Variants in AXL observed in about 807,000 individuals in gnomAD.
AXL encodes the protein AXL receptor tyrosine kinase, also known as tyrosine-protein kinase receptor UFO.
AXL carries 52 observed loss-of-function variants against 104.5 expected under a neutral mutation model. The ratio of observed to expected loss-of-function variants is 0.50; its 90% CI spans 0.40 to 0.63. The LOEUF (loss-of-function observed/expected upper bound fraction) is 0.63, where lower values mean the gene tolerates loss of function less well. Among genes scored for constraint, AXL ranks in the 20% least tolerant of loss-of-function variants. The pLI is 0.00. For missense variants in AXL, 1,024 were observed against 1,188.5 expected, an observed-to-expected ratio of 0.86 and a Z score of 2.04; for synonymous variants, 455 against 473.7, an observed-to-expected ratio of 0.96 and a Z score of 0.51.
At chr19:41,236,403 G>A (rs7256873) in intron 6 of AXL, among the ~76,000 whole-genome samples, 24,589 of 151,102 alleles carry the variant, frequency 0.16, 2,165 homozygotes, top group East Asian at 0.27. Context: ...TTGGGAGGCC[G>A]AGGCATGAGA....
intron 12 of AXL, among the ~76,000 whole-genome samples, chr19:41,245,611 G>A (rs775507930): frequency 6.6e-6 from 1 of 152,138 alleles, no homozygotes; most frequent in South Asian, 2.1e-4. Context: ...CTACTTGGGA[G>A]GCTGAGGCAG....
At chr19:41,254,097 A>G (rs1019156403) in intron 17 of AXL, among the ~76,000 whole-genome samples, 1 of 151,686 alleles carries the variant, frequency 6.6e-6, no homozygotes, top group Admixed American at 6.6e-5. Context: ...ACTCCCCACC[A>G]ATGGACAAGC....
rs762408142 is a variant in AXL at position 41,221,929 on chromosome 19, C to T, written c.459C>T (p.Asn153=). The T allele has an allele frequency of 6.2e-6, 10 of 1,613,736 alleles. No homozygotes were observed. The South Asian group carries it at 1.1e-4, about 18-fold the overall frequency. ...CCGAAGACAGGACTGTGGCCGCCAACACCCCCTTCAACCTGAGCTGCCAAG... is the reference window on the plus strand; with the variant it reads ...CCGAAGACAGGACTGTGGCCGCCAATACCCCCTTCAACCTGAGCTGCCAAG... ...EEPEDRTVAA[N]TPFNLSCQAQ... is the part of the protein sequence containing the mutation. Residue 153 remains asparagine, a synonymous_variant, in exon 4 of 20, where the codon AAC becomes AAT. Transcript: ENST00000301178.
chr19:41,227,987 A>G (rs776070129), intron 4 of AXL, among the ~76,000 whole-genome samples: 1 of 152,184 alleles, frequency 6.6e-6, no homozygotes, highest in Non-Finnish European at 1.5e-5. Context: ...TCAGAACGGC[A>G]TGCAATTTAA....
chr19:41,241,543 C>CAAA (rs11457010), intron 10 of AXL, among the ~76,000 whole-genome samples: 3 of 67,052 alleles, frequency 4.5e-5, no homozygotes, highest in Non-Finnish European at 6.3e-5. Context: ...GACTCTGTCT[C>CAAA]AAAAAAAAAA....
In AXL at chr19:41,259,859, T is replaced by C. The variant is rs761140155; in HGVS notation, c.2640T>C (p.Ala880=). ...PSTTPSPAQP[A]DRGSPAAPGQ... is the part of the protein sequence containing the mutation. ...CAACCCCTAGCCCCGCTCAGCCTGC[T>C]GATAGGGGCTCCCCAGCAGCCCCAG... The change falls in exon 20 of 20, where the codon GCT becomes GCC. Residue 880 remains alanine (A), a synonymous_variant. Coordinates refer to ENST00000301178, the MANE Select transcript of AXL (RefSeq NM_021913.5). 1.9e-6 allele frequency: 3 copies of C among 1,605,852 alleles called. No individual in the cohort carries two copies. The South Asian group carries it at 3.3e-5, about 18-fold the overall frequency.
In AXL at chr19:41,221,983, A is replaced by T. The variant is rs2122199384; in HGVS notation, c.513A>T (p.Leu171=). The T allele has an allele frequency of 1.2e-6, 2 of 1,610,736 alleles. No individual in the cohort carries two copies. Among genetic ancestry groups the T allele is most frequent in the Non-Finnish European group, 1.7e-6 (2 of 1,178,752 alleles). ...AGGGACCCCCAGAGCCCGTGGACCT[A>T]CTCTGGCTCCAGGATGCTGTCCCCC... The part of the protein sequence containing the change: ...QAQGPPEPVD[L]LWLQDAVPLA... The change falls in exon 4 of 20, where the codon CTA becomes CTT. Residue 171 remains leucine (L), a synonymous_variant. Coordinates refer to ENST00000301178, the MANE Select transcript of AXL (RefSeq NM_021913.5).
intron 4 of AXL, among the ~76,000 whole-genome samples, chr19:41,223,078 T>C (rs1035904925): frequency 6.6e-6 from 1 of 151,876 alleles, no homozygotes; most frequent in Non-Finnish European, 1.5e-5. Flanking sequence ...GTGGATCACT[T>C]GAGGCTGGGA....
chr19:41,247,044 A>G (rs2034283601), intron 12 of AXL, among the ~76,000 whole-genome samples: 1 of 152,224 alleles, frequency 6.6e-6, no homozygotes, highest in Non-Finnish European at 1.5e-5. Flanking sequence ...CATAGACATC[A>G]TGTTGAGTGA....
chr19:41,243,140 C>T lies in AXL; in HGVS notation c.1445+125C>T, dbSNP rs58943696. 8,793 of 1,402,578 alleles carry T rather than the reference C, an allele frequency of 6.3e-3. 466 individuals are homozygous for T. The African/African-American group carries it at 0.11, about 17-fold the overall frequency. The allele number at this position is 1,402,578 out of a possible 1,614,324, so 86.9% of individuals were successfully genotyped here. On this transcript the variant is annotated intron_variant, in intron 11 of 19. Coordinates refer to ENST00000301178, the MANE Select transcript of AXL (RefSeq NM_021913.5). Reference sequence around the variant, plus strand: ...GAATCAGAATGAGGGCAAGGGAAGCCAGGCGTGGTGGCTCACGCCTGTAAT... The same window carrying T: ...GAATCAGAATGAGGGCAAGGGAAGCTAGGCGTGGTGGCTCACGCCTGTAAT...
Position 41,243,096 on chromosome 19 carries a change from C to T in AXL, c.1445+81C>T, listed in dbSNP as rs1206244669. The T allele has an allele frequency of 2.5e-6, 4 of 1,585,572 alleles. No homozygotes were observed. In the African/African-American group the frequency reaches 4.0e-5, roughly 16 times the overall value. On this transcript the variant is annotated intron_variant, in intron 11 of 19. Transcript: ENST00000301178. Reference sequence around the variant, plus strand: ...AGGGAGGCCAGTGAGGAGGCTGGTGCAGGAGGAGTGATGACTAAGAATCAG... The same window carrying T: ...AGGGAGGCCAGTGAGGAGGCTGGTGTAGGAGGAGTGATGACTAAGAATCAG...
intron 6 of AXL, among the ~76,000 whole-genome samples, chr19:41,236,452 A>G (rs1163847072): frequency 6.6e-6 from 1 of 151,822 alleles, no homozygotes; most frequent in Non-Finnish European, 1.5e-5. Flanking sequence ...CAGTGAGCCG[A>G]AATCACGCCA....
At position 41,248,204 on chromosome 19, in the gene AXL, G is replaced by A. The variant is rs140818658; in HGVS notation, c.1538-310G>A. 1.3e-3 allele frequency among the ~76,000 whole-genome samples: 199 copies of A among 152,354 alleles called. 2 individuals are homozygous for A. The East Asian group carries it at 0.028, about 21-fold the overall frequency. On this transcript the variant is annotated intron_variant, in intron 12 of 19. Transcript: ENST00000301178. ...CTCCCAGAGTGCTGGGATTACAGGC[G>A]TAAGCCACTGTGCCCAGCAAAAGAA... is the stretch of plus-strand genomic sequence containing the variant.
intron 11 of AXL, 76 bp downstream of exon 11, chr19:41,243,091 T>C: frequency 6.3e-7 from 1 of 1,596,896 alleles, no homozygotes. Context: ...GTGAGGAGGC[T>C]GGTGCAGGAG....
In AXL at chr19:41,231,201, G is replaced by A. The variant is rs771116052; in HGVS notation, c.686G>A (p.Arg229His). The A allele has an allele frequency of 1.9e-6, 3 of 1,613,400 alleles. No homozygotes were observed. Among genetic ancestry groups the A allele is most frequent in the African/African-American group, 1.3e-5 (1 of 74,980 alleles). ...TCCACAGTGCTCCCCCAGCAGCCCC[G>A]TAACCTCCACCTGGTCTCCCGCCAA... is the stretch of plus-strand genomic sequence containing the variant. ...ATITVLPQQP[R>H]NLHLVSRQPT... Residue 229 changes from arginine to histidine, a missense_variant, in exon 6 of 20, where the codon CGT becomes CAT. Coordinates refer to ENST00000301178, the MANE Select transcript of AXL (RefSeq NM_021913.5).
In AXL at chr19:41,221,246, G is replaced by A; in HGVS notation, c.409G>A (p.Gly137Ser). Residue 137 changes from glycine (G) to serine (S), a missense_variant and splice_region_variant, in exon 3 of 20, where the codon GGC (glycine) becomes AGC (serine). This residue lies in a region of AXL where 41 missense variants were observed against 76.2 expected (regional missense o/e 0.54). Coordinates refer to ENST00000301178, the MANE Select transcript of AXL (RefSeq NM_021913.5). ...CCAGCCTGGCTATGTTGGGCTGGAG[G>A]GTGAGCTCTGGGGTCAGGGGTCCTG... is the stretch of plus-strand genomic sequence containing the variant. Reference protein sequence around the residue: ...VSQPGYVGLEGLPYFLEEPED... With the variant: ...VSQPGYVGLESLPYFLEEPED... 1 of 1,613,364 alleles carries A rather than the reference G, an allele frequency of 6.2e-7. No individual in the cohort carries two copies. Among genetic ancestry groups the A allele is most frequent in the African/African-American group, 1.3e-5 (1 of 74,998 alleles).
chr19:41,219,617 G>A (rs1222664437), intron 1 of AXL, 140 bp downstream of exon 1: 2 of 952,072 alleles, frequency 2.1e-6, no homozygotes, highest in East Asian at 5.3e-5. Flanking sequence ...GGGACTTCAA[G>A]GGAGGGAGAC....
intron 17 of AXL, among the ~76,000 whole-genome samples, chr19:41,254,605 G>A (rs1285077088): frequency 2.0e-5 from 3 of 151,810 alleles, no homozygotes; most frequent in Non-Finnish European, 2.9e-5. Flanking sequence ...AAGGTGGAGG[G>A]AATGGAACCA....
chr19:41,236,770 C>T (rs1490672803), intron 6 of AXL, among the ~76,000 whole-genome samples: 3 of 143,684 alleles, frequency 2.1e-5, no homozygotes, highest in Non-Finnish European at 4.5e-5. Flanking sequence ...GAGCAAGACT[C>T]CCTCTCCAAA....
Sources: allele counts gnomAD v4.1 joint callset (sites outside exome capture counted in the v4.1 genomes callset), GRCh38; gene constraint gnomAD v4.1.1; regional missense constraint gnomAD v4.1.1; transcripts MANE v1.5; gene names NCBI Gene and HGNC (gene_info 2026-07-23, HGNC 2026-07-21).